The following WDR12 variants were observed in gnomAD, a reference collection of about 807,000 sequenced individuals.
WDR12 encodes WD repeat domain 12.
Under a neutral mutation model 64.3 loss-of-function variants are expected in WDR12, and 42 were observed. That is an observed-to-expected ratio of 0.65 (90% CI 0.51 to 0.84). The LOEUF (loss-of-function observed/expected upper bound fraction) is 0.84, where lower values mean the gene tolerates loss of function less well. Among genes scored for constraint, WDR12 ranks in the 40% least tolerant of loss-of-function variants. The probability of loss-of-function intolerance (pLI) is 0.00; values close to 1 mark genes in which losing one functional copy is unlikely to be tolerated. For synonymous variants in WDR12, 158 were observed against 173.3 expected (o/e 0.91, Z 0.70); for missense variants, 469 against 494.6 (o/e 0.95, Z 0.49).
chr2:202,877,475 C>G lies in WDR12; in HGVS notation c.*3385G>C, dbSNP rs1687879969. The G allele has an allele frequency of 6.6e-6, 1 of 151,710 alleles. No homozygotes were observed. The highest frequency in any genetic ancestry group is 2.4e-5 in the African/African-American group (1 of 41,312). The allele number at this position is 151,710 out of a possible 1,614,324, so 9.4% of individuals were successfully genotyped here. A position where few individuals can be genotyped will look rare whatever the true frequency, so the allele number is the denominator to read the frequency against. On this transcript the variant is annotated 3_prime_UTR_variant, in exon 13 of 13. Coordinates refer to ENST00000261015, the MANE Select transcript of WDR12 (RefSeq NM_018256.4). ...CCAGCATGGGCTACATGGCGAAACC[C>G]TCTCTCTACAAAAAAAGTAATAATA...
At position 202,879,334 on chromosome 2, in the gene WDR12, T is replaced by C. The variant is rs954271276; in HGVS notation, c.*1526A>G. ...GCGTGAGCCACCGTGCCCAACCAAC[T>C]GTATGCAATTTCTAAAGGATCTGAC... On this transcript the variant is annotated 3_prime_UTR_variant, in exon 13 of 13. Transcript: ENST00000261015. 1 of 152,098 alleles carries C rather than the reference T, an allele frequency of 6.6e-6. No individual in the cohort carries two copies. Among genetic ancestry groups the C allele is most frequent in the Non-Finnish European group, 1.5e-5 (1 of 68,026 alleles). 9.4% of individuals were successfully genotyped at this position (152,098 alleles called of 1,614,324 possible). A position where few individuals can be genotyped will look rare whatever the true frequency, so the allele number is the denominator to read the frequency against.
chr2:202,906,904 G>A (rs991152333), intron 2 of WDR12, among the ~76,000 whole-genome samples: 1 of 151,822 alleles, frequency 6.6e-6, no homozygotes, highest in Non-Finnish European at 1.5e-5. Context: ...AAACTACAAT[G>A]AGATACAGAA....
chr2:202,907,615 T>C (rs1478760254), intron 2 of WDR12, among the ~76,000 whole-genome samples: 1 of 152,226 alleles, frequency 6.6e-6, no homozygotes, highest in Non-Finnish European at 1.5e-5. Flanking sequence ...AAAATCTTTA[T>C]TCCTTAACTA....
intron 8 of WDR12, among the ~76,000 whole-genome samples, chr2:202,891,848 A>C (rs961099447): frequency 1.3e-5 from 2 of 152,224 alleles, no homozygotes; most frequent in Non-Finnish European, 2.9e-5. Context: ...ATAAATAATA[A>C]TCTGCATGAA....
At chr2:202,887,775 C>T (rs1319900918) in intron 8 of WDR12, among the ~76,000 whole-genome samples, 1 of 151,146 alleles carries the variant, frequency 6.6e-6, no homozygotes, top group African/African-American at 2.4e-5. Flanking sequence ...GTAGTCCCAG[C>T]TACTCGGGAG....
Position 202,880,690 on chromosome 2 carries a change from CTTA to C in WDR12, c.*167_*169del. On this transcript the variant is annotated 3_prime_UTR_variant, in exon 13 of 13. Transcript: ENST00000261015. ...TTTGTATTTTATAAACACAACCTAT[CTTA>C]TTATAAATACAAAATAAGAAAAAGT... is the stretch of plus-strand genomic sequence containing the variant. 1 of 424,898 alleles carries C rather than the reference CTTA, an allele frequency of 2.4e-6. No individual in the cohort carries two copies. The allele number at this position is 424,898 out of a possible 1,614,324, so 26.3% of individuals were successfully genotyped here. A position where few individuals can be genotyped will look rare whatever the true frequency, so the allele number is the denominator to read the frequency against.
At chr2:202,908,069 C>T (rs1688495293) in intron 1 of WDR12, 110 bp from the exon 2 acceptor site, 1 of 973,084 alleles carries the variant, frequency 1.0e-6, no homozygotes, top group Middle Eastern at 2.4e-4. Flanking sequence ...GACATCCAGA[C>T]ATTTTGCTAC....
chr2:202,903,682 C>T (rs1034608504), intron 2 of WDR12, among the ~76,000 whole-genome samples: 21 of 152,100 alleles, frequency 1.4e-4, no homozygotes, highest in African/African-American at 4.3e-4. Context: ...AGTAAAGTTG[C>T]ATGATACAAA....
At chr2:202,909,245 A>C (rs1374378574) in intron 1 of WDR12, among the ~76,000 whole-genome samples, 1 of 152,248 alleles carries the variant, frequency 6.6e-6, no homozygotes, top group African/African-American at 2.4e-5. Context: ...GAGTGTTCAC[A>C]TAACAACTAT....
intron 3 of WDR12, among the ~76,000 whole-genome samples, chr2:202,900,595 A>C (rs924515924): frequency 2.0e-5 from 3 of 152,194 alleles, no homozygotes; most frequent in Admixed American, 2.0e-4. Flanking sequence ...TTAATCATAA[A>C]AGCAATATAA....
intron 8 of WDR12, among the ~76,000 whole-genome samples, chr2:202,889,233 T>C (rs776483505): frequency 7.9e-5 from 12 of 152,188 alleles, no homozygotes; most frequent in Admixed American, 1.3e-4. Context: ...TACGAAAGTA[T>C]GCACCTAGAA....
At position 202,880,604 on chromosome 2, in the gene WDR12, T is replaced by C. The variant is rs6722332; in HGVS notation, c.*256A>G. The C allele has an allele frequency of 0.092, 20,535 of 223,008 alleles. 1,223 individuals are homozygous for C. Among genetic ancestry groups the C allele is most frequent in the Non-Finnish European group, 0.12 (13,851 of 114,042 alleles). 13.8% of individuals were successfully genotyped at this position (223,008 alleles called of 1,614,324 possible). A position where few individuals can be genotyped will look rare whatever the true frequency, so the allele number is the denominator to read the frequency against. ...GCAAATCTGAATTCAAACCAATACC[T>C]TTAAAGAGAAATGTAAAACTCAGTT... is the stretch of plus-strand genomic sequence containing the variant. On this transcript the variant is annotated 3_prime_UTR_variant, in exon 13 of 13. Coordinates refer to ENST00000261015, the MANE Select transcript of WDR12 (RefSeq NM_018256.4).
rs1397888868 is a variant in WDR12 at position 202,880,664 on chromosome 2, G to A, written c.*196C>T. The A allele has an allele frequency of 2.8e-6, 1 of 356,040 alleles. No homozygotes were observed. The highest frequency in any genetic ancestry group is 4.6e-5 in the Admixed American group (1 of 21,810). 22.1% of individuals were successfully genotyped at this position (356,040 alleles called of 1,614,324 possible). ...GTTTGTATAGAGAATGTATGCCACAGTTTGTATTTTATAAACACAACCTAT... is the reference window on the plus strand; with the variant it reads ...GTTTGTATAGAGAATGTATGCCACAATTTGTATTTTATAAACACAACCTAT... On this transcript the variant is annotated 3_prime_UTR_variant, in exon 13 of 13. Coordinates refer to ENST00000261015, the MANE Select transcript of WDR12 (RefSeq NM_018256.4).
At chr2:202,892,481 TG>T in intron 8 of WDR12, 135 bp downstream of exon 8, 1 of 509,376 alleles carries the variant, frequency 2.0e-6, no homozygotes, top group Non-Finnish European at 3.4e-6. Context: ...ACAAGTCTAC[TG>T]AAAAAAAGGA....
At chr2:202,904,045 G>A (rs941241645) in intron 2 of WDR12, among the ~76,000 whole-genome samples, 4 of 147,538 alleles carry the variant, frequency 2.7e-5, no homozygotes, top group African/African-American at 1.0e-4. Flanking sequence ...GGCTGAGGCA[G>A]GAGAATCGCT....
chr2:202,880,866 C>CACAT lies in WDR12; in HGVS notation c.1265_1266insATGT (p.Ala423CysfsTer24). 6.2e-7 allele frequency: 1 copy of CACAT among 1,608,702 alleles called. No individual in the cohort carries two copies. Among genetic ancestry groups the CACAT allele is most frequent in the Non-Finnish European group, 8.5e-7 (1 of 1,177,542 alleles). On this transcript the variant is annotated frameshift_variant, in exon 13 of 13. Transcript: ENST00000261015. LOFTEE classifies it high-confidence loss of function. ...GTCAAATTATTGTTCACTTTCATGC[C>CACAT]CCAACATGGGAAGTGGTAGGTGAAT...
chr2:202,909,708 G>A (rs1037964563), intron 1 of WDR12, among the ~76,000 whole-genome samples: 1 of 152,020 alleles, frequency 6.6e-6, no homozygotes, highest in Non-Finnish European at 1.5e-5. Context: ...GTGTGTGTGT[G>A]TGACAATTAT....
chr2:202,900,596 A>C (rs547936292), intron 3 of WDR12, among the ~76,000 whole-genome samples: 2 of 152,314 alleles, frequency 1.3e-5, no homozygotes, highest in African/African-American at 4.8e-5. Context: ...TAATCATAAA[A>C]GCAATATAAG....
intron 8 of WDR12, among the ~76,000 whole-genome samples, chr2:202,891,480 A>C (rs558353582): frequency 6.6e-6 from 1 of 152,344 alleles, no homozygotes; most frequent in African/African-American, 2.4e-5. Context: ...AGCCTACCAG[A>C]GTAAAGAAGT....
Sources: gnomAD v4.1 joint callset for allele counts (sites outside exome capture counted in the v4.1 genomes callset) on GRCh38, gnomAD v4.1.1 for gene constraint, MANE v1.5 for transcripts, NCBI Gene and HGNC (gene_info 2026-07-23, HGNC 2026-07-21) for gene names.